The following CHST15 variants were observed in gnomAD, a reference collection of about 807,000 sequenced individuals.
CHST15 encodes the protein B cell RAG associated protein (GALNAC4S-6ST).
In CHST15, 30 loss-of-function variants were observed where a neutral mutation model predicts 53.6. The ratio of observed to expected loss-of-function variants is 0.56; its 90% CI spans 0.42 to 0.76. CHST15 has a LOEUF of 0.76. Ranked by LOEUF, CHST15 falls within the 30% of genes least tolerant of loss-of-function variation. CHST15 has a pLI of 0.00. For synonymous variants in CHST15, 296 were observed against 289.8 expected, an observed-to-expected ratio of 1.02 and a Z score of -0.22; for missense variants, 627 against 740.5, an observed-to-expected ratio of 0.85 and a Z score of 1.78.
At chr10:124,088,578 C>T (rs1264102356) in intron 1 of CHST15, among the ~76,000 whole-genome samples, 1 of 152,208 alleles carries the variant, frequency 6.6e-6, no homozygotes, top group African/African-American at 2.4e-5. Context: ...CCTTATTTCC[C>T]TCCTGCCTCT....
intron 1 of CHST15, among the ~76,000 whole-genome samples, chr10:124,070,741 TAAACA>T (rs1010025844): frequency 2.0e-4 from 30 of 152,108 alleles, no homozygotes; most frequent in African/African-American, 6.5e-4. Flanking sequence ...GATGCAGCAG[TAAACA>T]AAACAAGTCC....
At chr10:124,012,549 G>A (rs1361806950) in intron 6 of CHST15, 69 bp from the exon 7 acceptor site, 9 of 1,514,648 alleles carry the variant, frequency 5.9e-6, no homozygotes, top group Non-Finnish European at 8.1e-6. Flanking sequence ...CTTTTCCAAA[G>A]TGGTATGGCA....
intron 6 of CHST15, among the ~76,000 whole-genome samples, 179 bp from the exon 7 acceptor site, chr10:124,012,659 C>T (rs968976723): frequency 6.6e-6 from 1 of 152,196 alleles, no homozygotes; most frequent in Non-Finnish European, 1.5e-5. Context: ...TTTTGTGCTA[C>T]ATGTGCAAAG....
At chr10:124,032,844 C>A (rs7090620) in intron 5 of CHST15, among the ~76,000 whole-genome samples, 138,033 of 150,844 alleles carry the variant, frequency 0.92, 63,222 homozygotes, top group African/African-American at 0.96. Flanking sequence ...TGCCACTTGA[C>A]TCCTTCTCTG....
At chr10:124,015,310 A>G (rs1205680053) in intron 6 of CHST15, among the ~76,000 whole-genome samples, 1 of 151,720 alleles carries the variant, frequency 6.6e-6, no homozygotes, top group Non-Finnish European at 1.5e-5. Context: ...TGTGCTTAAA[A>G]TTAGAAAACA....
intron 1 of CHST15, among the ~76,000 whole-genome samples, chr10:124,073,769 G>A (rs753067493): frequency 5.3e-5 from 8 of 152,138 alleles, no homozygotes; most frequent in African/African-American, 7.2e-5. Flanking sequence ...TTTCAGAGGC[G>A]CCAAACCAAA....
At chr10:124,089,379 G>C (rs1949534187) in intron 1 of CHST15, among the ~76,000 whole-genome samples, 1 of 152,160 alleles carries the variant, frequency 6.6e-6, no homozygotes, top group Admixed American at 6.5e-5. Context: ...GCAATCCTGG[G>C]CCTGCTGAGG....
At chr10:124,015,887 C>T (rs1210155612) in intron 6 of CHST15, among the ~76,000 whole-genome samples, 1 of 152,184 alleles carries the variant, frequency 6.6e-6, no homozygotes, top group Non-Finnish European at 1.5e-5. Flanking sequence ...AGCAAGTCTC[C>T]CCGACCCCAG....
chr10:124,042,543 T>C, intron 3 of CHST15, 96 bp from the exon 4 acceptor site: 1 of 1,400,456 alleles, frequency 7.1e-7, no homozygotes. Context: ...TGGAAAGGCC[T>C]AAAGGGCCTG....
chr10:124,080,072 G>A (rs1333052945), intron 1 of CHST15, among the ~76,000 whole-genome samples: 1 of 152,186 alleles, frequency 6.6e-6, no homozygotes, highest in Non-Finnish European at 1.5e-5. Flanking sequence ...TTGGGGTTTT[G>A]CTTTGTTTTT....
chr10:124,010,057 C>T lies in CHST15; in HGVS notation c.*92G>A. The T allele has an allele frequency of 1.9e-6, 3 of 1,600,078 alleles. No homozygotes were observed. Among genetic ancestry groups the T allele is most frequent in the Admixed American group, 1.7e-5 (1 of 59,122 alleles). ...TGGCAGAGTCCTGGGGTTTTCCATACCATGAGTGAAACAGTTCCCCGCAAA... is the reference window on the plus strand; with the variant it reads ...TGGCAGAGTCCTGGGGTTTTCCATATCATGAGTGAAACAGTTCCCCGCAAA... On this transcript the variant is annotated 3_prime_UTR_variant, in exon 8 of 8. Coordinates refer to ENST00000435907, the MANE Select transcript of CHST15 (RefSeq NM_001270764.2).
intron 1 of CHST15, among the ~76,000 whole-genome samples, chr10:124,051,524 AC>A (rs1948195901): frequency 6.6e-6 from 1 of 152,176 alleles, no homozygotes; most frequent in South Asian, 2.1e-4. Flanking sequence ...TGGAATGTCC[AC>A]ATTTGGTGCC....
intron 1 of CHST15, among the ~76,000 whole-genome samples, chr10:124,090,058 C>T (rs1184811382): frequency 6.6e-6 from 1 of 152,186 alleles, no homozygotes; most frequent in Non-Finnish European, 1.5e-5. Context: ...GGGCAGCCAT[C>T]AGTTCTTAGT....
At chr10:124,048,156 C>T (rs1554913111) in intron 1 of CHST15, among the ~76,000 whole-genome samples, 3 of 152,218 alleles carry the variant, frequency 2.0e-5, no homozygotes, top group African/African-American at 4.8e-5. Context: ...AAATGTTCTG[C>T]TTGCCGTTGG....
chr10:124,049,690 G>A (rs186196862), intron 1 of CHST15, among the ~76,000 whole-genome samples: 33 of 152,202 alleles, frequency 2.2e-4, no homozygotes, highest in African/African-American at 6.8e-4. Context: ...CGCCCCATGC[G>A]TCTCATCTGC....
intron 6 of CHST15, chr10:124,020,771 T>C (rs1006745023): frequency 4.7e-6 from 5 of 1,072,278 alleles, no homozygotes; most frequent in East Asian, 6.5e-5. Flanking sequence ...TTTACAGACA[T>C]AGTTCTGAAG....
Position 124,036,662 on chromosome 10 carries a change from G to GCACA in CHST15, c.1190+1849_1190+1852dup, listed in dbSNP as rs36082614. On this transcript the variant is annotated intron_variant, in intron 5 of 7. Coordinates refer to ENST00000435907, the MANE Select transcript of CHST15 (RefSeq NM_001270764.2). This position sits in a 1 kb window ranked among gnomAD's most constrained non-coding sequence, Gnocchi z 5.1. ...TAAGACTGTCCTGTCACACCCATGT[G>GCACA]CACACACACACACACACACACTTAT... Among the ~76,000 whole-genome samples the GCACA allele has an allele frequency of 0.032, 4,745 of 149,674 alleles. 219 individuals are homozygous for GCACA. Among genetic ancestry groups the GCACA allele is most frequent in the African/African-American group, 0.1 (4,104 of 40,352 alleles).
intron 1 of CHST15, among the ~76,000 whole-genome samples, chr10:124,087,152 C>A (rs960946619): frequency 2.0e-5 from 3 of 152,204 alleles, no homozygotes; most frequent in African/African-American, 4.8e-5. Flanking sequence ...CCTCTCTCGA[C>A]CTCTTAGACT....
intron 1 of CHST15, among the ~76,000 whole-genome samples, chr10:124,065,487 T>C (rs1455969212): frequency 6.6e-6 from 1 of 152,236 alleles, no homozygotes; most frequent in Non-Finnish European, 1.5e-5. Context: ...TCCATGACTT[T>C]CAGGCAAATT....
Sources: gnomAD v4.1 joint callset for allele counts (sites outside exome capture counted in the v4.1 genomes callset) on GRCh38, gnomAD v4.1.1 for gene constraint, Gnocchi (gnomAD v3.1) non-coding constraint, MANE v1.5 for transcripts, NCBI Gene and HGNC (gene_info 2026-07-23, HGNC 2026-07-21) for gene names.